The following THBS4 variants were observed in gnomAD, a reference collection of about 807,000 sequenced individuals.
THBS4 encodes thrombospondin 4.
Under a neutral mutation model 115.7 loss-of-function variants are expected in THBS4, and 90 were observed. The observed-to-expected ratio is 0.78, with a 90% confidence interval of 0.66 to 0.93. The LOEUF is 0.93. Among genes scored for constraint, THBS4 ranks in the 40% least tolerant of loss-of-function variants. The probability of loss-of-function intolerance (pLI) is 0.00; values close to 1 mark genes in which losing one functional copy is unlikely to be tolerated. For missense variants in THBS4, 1,087 were observed against 1,232.7 expected (o/e 0.88, Z 1.77); for synonymous variants, 460 against 479.3 (o/e 0.96, Z 0.53).
chr5:80,028,388 G>T (rs906203663), intron 2 of THBS4, among the ~76,000 whole-genome samples: 32 of 151,684 alleles, frequency 2.1e-4, no homozygotes, highest in African/African-American at 7.5e-4. Context: ...CTCTTATCTG[G>T]CCTGACCTCT....
intron 2 of THBS4, among the ~76,000 whole-genome samples, chr5:80,001,503 T>C (rs1003278757): frequency 2.6e-5 from 4 of 152,176 alleles, no homozygotes; most frequent in African/African-American, 9.7e-5. Context: ...CGTCCACTCT[T>C]GTGTGGTGAG....
chr5:80,060,166 A>G (rs1833584676), intron 7 of THBS4, among the ~76,000 whole-genome samples: 2 of 152,204 alleles, frequency 1.3e-5, no homozygotes, highest in South Asian at 4.1e-4. Flanking sequence ...TTTCTGCTTT[A>G]CACGCTGACA....
chr5:80,053,707 G>A (rs1014781927), intron 2 of THBS4, among the ~76,000 whole-genome samples: 3 of 152,058 alleles, frequency 2.0e-5, no homozygotes, highest in African/African-American at 4.8e-5. Context: ...GATTGTTTCC[G>A]GTGAAAATTA....
At chr5:80,056,054 T>G in intron 3 of THBS4, 22 bp downstream of exon 3, 1 of 1,573,564 alleles carries the variant, frequency 6.4e-7, no homozygotes, top group Non-Finnish European at 8.6e-7. Flanking sequence ...CAAACCATTC[T>G]CTGAAGTGGA....
rs1207374222 is a variant in THBS4, at chr5:80,074,615, G to GCT, written c.1892+1299_1892+1300dup. Reference sequence around the variant, plus strand: ...CAAGGACAGCTCCTATGAAGCCACAGCTCTCTCTCTCTTTTTTTTTTTTTT... The same window carrying GCT: ...CAAGGACAGCTCCTATGAAGCCACAGCTCTCTCTCTCTCTTTTTTTTTTTTTT... On this transcript the variant is annotated intron_variant, in intron 15 of 21. Coordinates refer to ENST00000350881, the MANE Select transcript of THBS4 (RefSeq NM_003248.6). Among the ~76,000 whole-genome samples, 249 of 149,738 alleles carry GCT rather than the reference G, an allele frequency of 1.7e-3. 1 individual carries two copies. Among genetic ancestry groups the GCT allele is most frequent in the African/African-American group, 5.9e-3 (237 of 40,404 alleles).
chr5:80,068,013 G>A lies in THBS4; in HGVS notation c.1235G>A (p.Gly412Asp). ...RCGPCKPGYT[G>D]DQIRGCKAER... Reference sequence around the variant, plus strand: ...GGGCCTTGTAAGCCGGGGTATACTGGTGATCAGATAAGGGGATGCAAAGCG... The same window carrying A: ...GGGCCTTGTAAGCCGGGGTATACTGATGATCAGATAAGGGGATGCAAAGCG... Residue 412 changes from glycine (G) to aspartate (D), a missense_variant, in exon 10 of 22, where the codon GGT (glycine) becomes GAT (aspartate). Coordinates refer to ENST00000350881, the MANE Select transcript of THBS4 (RefSeq NM_003248.6). 6.2e-7 allele frequency: 1 copy of A among 1,614,212 alleles called. No homozygotes were observed. Among genetic ancestry groups the A allele is most frequent in the African/African-American group, 1.3e-5 (1 of 75,056 alleles).
At chr5:79,994,313 C>T (rs781019230) in intron 1 of THBS4, among the ~76,000 whole-genome samples, 1 of 152,160 alleles carries the variant, frequency 6.6e-6, no homozygotes, top group Non-Finnish European at 1.5e-5. Context: ...TGAACCCAGG[C>T]AGTTTTGGCT....
chr5:80,048,801 A>T lies in THBS4; in HGVS notation c.293-6984A>T, dbSNP rs192301844. Among the ~76,000 whole-genome samples the T allele has an allele frequency of 8.5e-5, 13 of 152,350 alleles. No individual in the cohort carries two copies. The East Asian group carries it at 2.5e-3, about 29-fold the overall frequency. The stretch of plus-strand genomic sequence containing the variant: ...GATTTACCTTTTGTATGTATTTCCA[A>T]AGCACTAAAGTTACAAAGACCTAGT... On this transcript the variant is annotated intron_variant, in intron 2 of 21. Coordinates refer to ENST00000350881, the MANE Select transcript of THBS4 (RefSeq NM_003248.6).
chr5:80,081,365 T>C (rs557566076), intron 20 of THBS4, among the ~76,000 whole-genome samples: 1 of 152,320 alleles, frequency 6.6e-6, no homozygotes, highest in African/African-American at 2.4e-5. Flanking sequence ...AATGGAATCA[T>C]AGAAATTACA....
chr5:80,082,445 T>C lies in THBS4; in HGVS notation c.2724T>C (p.Ser908=), dbSNP rs1245682200. The C allele has an allele frequency of 6.2e-7, 1 of 1,614,244 alleles. No individual in the cohort carries two copies. The highest frequency in any genetic ancestry group is 8.5e-7 in the Non-Finnish European group (1 of 1,180,042). ...FYEGSELVAD[S]GVTIDTTMRG... ...AAGGCTCTGAGTTGGTGGCTGACTC[T>C]GGCGTCACCATAGACACCACAATGC... Residue 908 remains serine (S), a synonymous_variant, in exon 21 of 22, where the codon TCT becomes TCC. Coordinates refer to ENST00000350881, the MANE Select transcript of THBS4 (RefSeq NM_003248.6).
At chr5:80,036,304 C>A in intron 1 of THBS4, 1 of 636,082 alleles carries the variant, frequency 1.6e-6, no homozygotes, top group Non-Finnish European at 2.0e-6. Context: ...ATACCATGTT[C>A]TCACAAGCGG....
At chr5:80,008,962 G>T (rs1027256964) in intron 2 of THBS4, among the ~76,000 whole-genome samples, 1 of 152,346 alleles carries the variant, frequency 6.6e-6, no homozygotes, top group African/African-American at 2.4e-5. Flanking sequence ...CATATTTTAT[G>T]TAGCCTTTAT....
intron 1 of THBS4, among the ~76,000 whole-genome samples, chr5:79,994,453 A>G (rs1831749105): frequency 1.3e-5 from 2 of 152,214 alleles, no homozygotes; most frequent in African/African-American, 4.8e-5. Flanking sequence ...ATTTATGTAA[A>G]TAATATTTGT....
intron 2 of THBS4, among the ~76,000 whole-genome samples, chr5:80,028,068 A>T (rs752427632): frequency 4.6e-5 from 7 of 152,122 alleles, no homozygotes; most frequent in Non-Finnish European, 1.0e-4. Context: ...ATCTGTCCTT[A>T]GCAGGGCACA....
chr5:80,041,541 C>T (rs1259599824), intron 2 of THBS4, among the ~76,000 whole-genome samples: 1 of 152,164 alleles, frequency 6.6e-6, no homozygotes, highest in East Asian at 1.9e-4. Context: ...ATACCTCAAC[C>T]AGTAGAACAG....
At position 80,040,234 on chromosome 5, in the gene THBS4, C is replaced by A. The variant is rs372405988; in HGVS notation, c.246C>A (p.Asp82Glu). 4.2e-5 allele frequency: 67 copies of A among 1,614,078 alleles called. No individual in the cohort carries two copies. The African/African-American group carries it at 6.8e-4, about 16-fold the overall frequency. ...TCTTCGGTCTTTACTCTTCAACTGA[C>A]AACAGTAAATATTTTGAATTTACTG... The part of the protein sequence containing the change: ...ATIFGLYSST[D>E]NSKYFEFTVM... Residue 82 changes from aspartate (D) to glutamate (E), a missense_variant, in exon 2 of 22, where the codon GAC (aspartate) becomes GAA (glutamate). Physicochemically the swap from Asp to Glu is conservative, Grantham distance 45. This residue lies in a region of THBS4 where 979 missense variants were observed against 1,103.7 expected (regional missense o/e 0.89). Coordinates refer to ENST00000350881, the MANE Select transcript of THBS4 (RefSeq NM_003248.6).
chr5:80,011,952 A>G (rs1295235661), intron 2 of THBS4, among the ~76,000 whole-genome samples: 3 of 152,164 alleles, frequency 2.0e-5, no homozygotes, highest in Admixed American at 6.5e-5. Context: ...ATTAAAATGT[A>G]TCACTTTCTG....
chr5:80,009,580 C>G (rs1475276588), intron 2 of THBS4, among the ~76,000 whole-genome samples: 5 of 151,996 alleles, frequency 3.3e-5, no homozygotes, highest in Non-Finnish European at 7.4e-5. Context: ...CCAGCATAAT[C>G]CTGTTTTCCA....
Position 80,079,209 on chromosome 5 carries a change from G to A in THBS4, c.2462G>A (p.Trp821Ter). The A allele has an allele frequency of 2.5e-6, 4 of 1,614,034 alleles. No homozygotes were observed. Among genetic ancestry groups the A allele is most frequent in the Non-Finnish European group, 3.4e-6 (4 of 1,179,958 alleles). ...TGGAAGCAGACGGAGCAGACATATT[G>A]GCAAGCCACCCCATTCCGAGCAGTT... ...VMWKQTEQTY[W>*]QATPFRAVAE... The change falls in exon 19 of 22, where the codon TGG becomes TAG. Residue 821 changes from tryptophan to a stop codon, truncating the protein, a stop_gained. Transcript: ENST00000350881. LOFTEE classifies it high-confidence loss of function.
Sources: gnomAD v4.1 joint callset for allele counts (sites outside exome capture counted in the v4.1 genomes callset) on GRCh38, gnomAD v4.1.1 for gene constraint, gnomAD v4.1.1 regional missense constraint, MANE v1.5 for transcripts, NCBI Gene and HGNC (gene_info 2026-07-23, HGNC 2026-07-21) for gene names.